TMEM50B: variants seen among roughly 807,000 people sequenced by gnomAD.
TMEM50B encodes the protein HCV p7-trans-regulated protein 3.
In TMEM50B, 14 loss-of-function variants were observed where a neutral mutation model predicts 23.4. That is an observed-to-expected ratio of 0.60 (90% CI 0.39 to 0.93). The LOEUF is 0.93. Among genes scored for constraint, TMEM50B ranks in the 40% least tolerant of loss-of-function variants. The probability of loss-of-function intolerance (pLI) is 0.00; values close to 1 mark genes in which losing one functional copy is unlikely to be tolerated. For missense variants in TMEM50B, 159 were observed against 193.0 expected (o/e 0.82, Z 1.04); for synonymous variants, 64 against 62.3 (o/e 1.03, Z -0.13).
intron 1 of TMEM50B, among the ~76,000 whole-genome samples, chr21:33,472,503 T>C (rs926199050): frequency 1.3e-5 from 2 of 152,174 alleles, no homozygotes; most frequent in South Asian, 2.1e-4. Context: ...TGAGGAACAA[T>C]ACTAAGTGGT....
intron 8 of TMEM50B, among the ~76,000 whole-genome samples, chr21:33,434,787 A>C (rs1354371707): frequency 6.6e-6 from 1 of 152,166 alleles, no homozygotes; most frequent in Non-Finnish European, 1.5e-5. Context: ...ATATTGTCAC[A>C]AAATCACAGC....
At chr21:33,441,928 G>A (rs1016141900) in intron 7 of TMEM50B, among the ~76,000 whole-genome samples, 1 of 152,108 alleles carries the variant, frequency 6.6e-6, no homozygotes, top group Non-Finnish European at 1.5e-5. Flanking sequence ...ACCACGCCCG[G>A]CCTTGTGATC....
chr21:33,471,089 G>A (rs537587033), intron 1 of TMEM50B, among the ~76,000 whole-genome samples: 1 of 152,188 alleles, frequency 6.6e-6, no homozygotes, highest in Admixed American at 6.5e-5. Context: ...ATTGAAGGGG[G>A]ACATCTCGGA....
At chr21:33,444,803 C>CAAAAAAAAAAAAAAAAAAAAAAAAAA (rs60816843), downstream of TMEM50B, among the ~76,000 whole-genome samples, 2 of 96,316 alleles carry the variant, frequency 2.1e-5, no homozygotes, top group Admixed American at 1.2e-4. Flanking sequence ...CATCTCTTTA[C>CAAAAAAAAAAAAAAAAAAAAAAAAAA]AAAAAAAAAA....
chr21:33,468,117 C>A (rs1601129872), intron 2 of TMEM50B, among the ~76,000 whole-genome samples: 2 of 144,242 alleles, frequency 1.4e-5, no homozygotes, highest in Non-Finnish European at 1.5e-5. Flanking sequence ...AATTATAAAC[C>A]AAGATAGGTC....
At chr21:33,432,798 T>C (rs1462018351) in exon 9 of TMEM50B, 2 of 1,613,874 alleles carry the variant, frequency 1.2e-6, no homozygotes, top group African/African-American at 2.7e-5. Context: ...TGTTTCTTCC[T>C]GGTCCTGAAA....
intron 4 of TMEM50B, among the ~76,000 whole-genome samples, chr21:33,461,816 T>A (rs971253614): frequency 2.0e-5 from 3 of 148,190 alleles, no homozygotes; most frequent in African/African-American, 7.3e-5. Flanking sequence ...AAAAAAAAAA[T>A]CCTTACAATT....
intron 8 of TMEM50B, chr21:33,436,730 TAAA>T: frequency 1.0e-6 from 1 of 991,100 alleles, no homozygotes; most frequent in Non-Finnish European, 1.5e-6. Context: ...AAAAAAAAAA[TAAA>T]AATAAAAATA....
In TMEM50B at chr21:33,449,731, C is replaced by CT. The variant is rs1364049671; in HGVS notation, c.*1086dup. On this transcript the variant is annotated 3_prime_UTR_variant, in exon 7 of 7. Coordinates refer to ENST00000542230, the MANE Select transcript of TMEM50B (RefSeq NM_006134.7). ...AAGTGCTTTATCTTTAATTATTCCA[C>CT]TTTTTGTTAAATGGTTCATGCTTTT... 2 of 152,566 alleles carry CT rather than the reference C, an allele frequency of 1.3e-5. No homozygotes were observed. Among genetic ancestry groups the CT allele is most frequent in the Non-Finnish European group, 2.9e-5 (2 of 68,038 alleles). The allele number at this position is 152,566 out of a possible 1,614,324, so 9.5% of individuals were successfully genotyped here.
chr21:33,462,153 T>C (rs985405809), intron 4 of TMEM50B, among the ~76,000 whole-genome samples: 3 of 152,184 alleles, frequency 2.0e-5, no homozygotes, highest in African/African-American at 7.2e-5. Flanking sequence ...GTTTCATTTA[T>C]AGTATATTTA....
chr21:33,462,396 A>G (rs2084224897), intron 4 of TMEM50B, among the ~76,000 whole-genome samples: 1 of 152,344 alleles, frequency 6.6e-6, no homozygotes, highest in Admixed American at 6.5e-5. Flanking sequence ...ATAAAATATA[A>G]TAATCACTTA....
At chr21:33,477,959 AC>A (rs937483657) in intron 1 of TMEM50B, among the ~76,000 whole-genome samples, 1 of 146,892 alleles carries the variant, frequency 6.8e-6, no homozygotes, top group Non-Finnish European at 1.5e-5. Flanking sequence ...CACGGTGAAA[AC>A]CCGTCTTTAC....
At chr21:33,476,087 C>A (rs2084367520) in intron 1 of TMEM50B, among the ~76,000 whole-genome samples, 1 of 152,188 alleles carries the variant, frequency 6.6e-6, no homozygotes, top group Non-Finnish European at 1.5e-5. Flanking sequence ...TCTGTTCCAG[C>A]CTCTAAATAT....
chr21:33,445,699 A>G (rs1057202869), downstream of TMEM50B, among the ~76,000 whole-genome samples: 17 of 152,176 alleles, frequency 1.1e-4, no homozygotes, highest in Non-Finnish European at 5.9e-5. Flanking sequence ...TTGGGAGGCC[A>G]AGGCACGAGA....
In TMEM50B at chr21:33,467,053, C is replaced by A. The variant is rs1296735506; in HGVS notation, c.169G>T (p.Ala57Ser). 1 of 1,614,034 alleles carries A rather than the reference C, an allele frequency of 6.2e-7. No individual in the cohort carries two copies. Among genetic ancestry groups the A allele is most frequent in the Admixed American group, 1.7e-5 (1 of 60,002 alleles). The stretch of plus-strand genomic sequence containing the variant: ...GAAAATACACCACATGTGTGAAAGG[C>A]ATGGTTCAACTGTTCTGGCTTAGGA... ...VYPKPEQLNH[A>S]FHTCGVFSTL... The change falls in exon 3 of 7, where the codon GCC (alanine) becomes TCC (serine). Residue 57 changes from alanine (A) to serine (S), a missense_variant. Physicochemically the swap from Ala to Ser is moderately conservative, Grantham distance 99 (BLOSUM62 1). Transcript: ENST00000542230.
chr21:33,474,488 A>G (rs2084347893), intron 1 of TMEM50B, among the ~76,000 whole-genome samples: 1 of 151,130 alleles, frequency 6.6e-6, no homozygotes, highest in Non-Finnish European at 1.5e-5. Context: ...GAGACCTACA[A>G]GAAAAACTGA....
intron 1 of TMEM50B, among the ~76,000 whole-genome samples, chr21:33,470,979 C>A (rs377160574): frequency 6.6e-6 from 1 of 152,010 alleles, no homozygotes; most frequent in Non-Finnish European, 1.5e-5. Context: ...CCCAGGGAGT[C>A]CCCTTGGCAC....
chr21:33,479,142 T>G (rs2084402477), intron 1 of TMEM50B: 1 of 220,642 alleles, frequency 4.5e-6, no homozygotes, highest in African/African-American at 2.3e-5. Flanking sequence ...CTTACTGTTT[T>G]AAGTACCTTT....
intron 4 of TMEM50B, among the ~76,000 whole-genome samples, chr21:33,461,932 TAAC>T (rs2084220650): frequency 6.6e-6 from 1 of 152,054 alleles, no homozygotes; most frequent in South Asian, 2.1e-4. Flanking sequence ...GAGGGCATAT[TAAC>T]AAAAAGAGAA....
Sources: gnomAD v4.1 joint callset for allele counts (sites outside exome capture counted in the v4.1 genomes callset) on GRCh38, gnomAD v4.1.1 for gene constraint, MANE v1.5 for transcripts, NCBI Gene and HGNC (gene_info 2026-07-23, HGNC 2026-07-21) for gene names.